Variants in OR51B5 observed in about 807,000 individuals in gnomAD.
The protein encoded by OR51B5 is olfactory receptor 51B5.
For synonymous variants in OR51B5, 186 were observed against 144.8 expected, an observed-to-expected ratio of 1.28 and a Z score of -2.04; for missense variants, 456 against 374.6, an observed-to-expected ratio of 1.22 and a Z score of -1.79.
intron 1 of OR51B5, among the ~76,000 whole-genome samples, chr11:5,474,009 C>T (rs1851268347): frequency 6.6e-6 from 1 of 151,924 alleles, no homozygotes; most frequent in Non-Finnish European, 1.5e-5. Context: ...AGAAGAGGGA[C>T]ATAAAAAGAC....
At chr11:5,440,692 G>A in intron 1 of OR51B5, 2 of 1,613,930 alleles carry the variant, frequency 1.2e-6, no homozygotes, top group Non-Finnish European at 1.7e-6. Context: ...ATCATGACAT[G>A]AACAACAGGT....
intron 1 of OR51B5, among the ~76,000 whole-genome samples, chr11:5,349,981 C>T (rs1849052010): frequency 6.6e-6 from 1 of 151,998 alleles, no homozygotes; most frequent in Non-Finnish European, 1.5e-5. Flanking sequence ...CCTAAAAACC[C>T]CATCATCATC....
At chr11:5,371,159 C>A (rs763000324) in intron 1 of OR51B5, among the ~76,000 whole-genome samples, 1 of 152,208 alleles carries the variant, frequency 6.6e-6, no homozygotes, top group African/African-American at 2.4e-5. Context: ...ACTCTCCACA[C>A]ATTCTGAGGA....
At chr11:5,443,282 G>A (rs1850717533) in intron 1 of OR51B5, among the ~76,000 whole-genome samples, 2 of 152,088 alleles carry the variant, frequency 1.3e-5, no homozygotes, top group Admixed American at 1.3e-4. Flanking sequence ...ACAAGGTGCT[G>A]GATCATATCG....
intron 1 of OR51B5, chr11:5,431,330 G>T (rs1315963722): frequency 1.3e-5 from 4 of 298,936 alleles, no homozygotes; most frequent in Non-Finnish European, 2.0e-5. Context: ...TCAACTCTGT[G>T]GGCATCAAAC....
intron 1 of OR51B5, among the ~76,000 whole-genome samples, chr11:5,381,126 CCCA>C (rs1849603026): frequency 1.4e-5 from 2 of 144,600 alleles, no homozygotes; most frequent in South Asian, 2.3e-4. Context: ...ATACCCCCAC[CCCA>C]CCTCTCTCTC....
At chr11:5,374,131 A>G (rs1435298691) in intron 1 of OR51B5, among the ~76,000 whole-genome samples, 1 of 152,164 alleles carries the variant, frequency 6.6e-6, no homozygotes, top group African/African-American at 2.4e-5. Context: ...CTCTGAGACA[A>G]AACTTCCAGA....
rs369060556 is a variant in OR51B5, at chr11:5,422,338, C to T, written n.85-75428G>A. ...CCATCTCCATCATGGGCAATACCACCATCCTCACTGTCATTCGCACAGAGC... is the reference window on the plus strand; with the variant it reads ...CCATCTCCATCATGGGCAATACCACTATCCTCACTGTCATTCGCACAGAGC... On this transcript the variant is annotated intron_variant and non_coding_transcript_variant, in intron 1 of 4. Transcript: ENST00000415970. 22 of 1,614,042 alleles carry T rather than the reference C, an allele frequency of 1.4e-5. No individual in the cohort carries two copies. In the African/African-American group the frequency reaches 1.9e-4, roughly 14 times the overall value.
intron 1 of OR51B5, among the ~76,000 whole-genome samples, chr11:5,415,715 G>C (rs1207270989): frequency 6.6e-6 from 1 of 151,982 alleles, no homozygotes; most frequent in African/African-American, 2.4e-5. Flanking sequence ...ACTCTGCCAA[G>C]ACTAAACCAG....
At position 5,377,540 on chromosome 11, in the gene OR51B5, A is replaced by T. The variant is rs559559558; in HGVS notation, n.85-30630T>A. Among the ~76,000 whole-genome samples the T allele has an allele frequency of 7.2e-5, 11 of 152,248 alleles. No homozygotes were observed. The South Asian group carries it at 2.1e-3, about 29-fold the overall frequency. ...CAAATTGTCCCTGTTTGCAGACGAC[A>T]TGATTGTATATCTAGAAAACCCCCT... On this transcript the variant is annotated intron_variant and non_coding_transcript_variant, in intron 1 of 4. Coordinates refer to the OR51B5 transcript ENST00000415970.
chr11:5,384,467 T>C (rs1380986863), intron 1 of OR51B5, among the ~76,000 whole-genome samples: 1 of 152,186 alleles, frequency 6.6e-6, no homozygotes, highest in African/African-American at 2.4e-5. Context: ...CAGGACCTTC[T>C]CTTGCTGGAA....
intron 1 of OR51B5, among the ~76,000 whole-genome samples, chr11:5,479,394 C>A (rs1246649914): frequency 6.6e-6 from 1 of 151,110 alleles, no homozygotes; most frequent in East Asian, 1.9e-4. Flanking sequence ...CCGGTACCAG[C>A]TGCTGCAAAA....
At chr11:5,445,546 T>A (rs2133235) in intron 1 of OR51B5, among the ~76,000 whole-genome samples, 55 of 151,840 alleles carry the variant, frequency 3.6e-4, no homozygotes, top group African/African-American at 1.3e-3. Context: ...TATCAGCACT[T>A]ATAGTATACA....
chr11:5,357,262 A>T (rs934989739), intron 1 of OR51B5, among the ~76,000 whole-genome samples: 1 of 152,144 alleles, frequency 6.6e-6, no homozygotes, highest in Admixed American at 6.5e-5. Context: ...ATAGGCTCAA[A>T]ATAAAGGGAT....
downstream of OR51B5, chr11:5,341,505 G>A (rs142596208): frequency 4.6e-5 from 7 of 152,204 alleles, no homozygotes; most frequent in African/African-American, 1.7e-4. Flanking sequence ...TATTATTTTT[G>A]CTCTGATTAA....
chr11:5,357,752 C>T (rs1849217667), intron 1 of OR51B5, among the ~76,000 whole-genome samples: 1 of 150,240 alleles, frequency 6.7e-6, no homozygotes, highest in African/African-American at 2.5e-5. Flanking sequence ...TAAAGCACTC[C>T]TCAGCAAATG....
intron 1 of OR51B5, chr11:5,454,297 G>T (rs1349448114): frequency 6.2e-7 from 1 of 1,614,040 alleles, no homozygotes; most frequent in Non-Finnish European, 8.5e-7. Flanking sequence ...CATGTCCCAT[G>T]CTACATACAT....
At chr11:5,415,073 A>G (rs375697342) in intron 1 of OR51B5, among the ~76,000 whole-genome samples, 53 of 152,094 alleles carry the variant, frequency 3.5e-4, no homozygotes, top group Middle Eastern at 3.4e-3. Context: ...ATAACAAACT[A>G]TCTCTCAGAC....
chr11:5,399,636 T>A (rs1313969940), intron 1 of OR51B5, among the ~76,000 whole-genome samples: 3 of 152,146 alleles, frequency 2.0e-5, no homozygotes, highest in Non-Finnish European at 4.4e-5. Flanking sequence ...TTTGTAACCT[T>A]TCAAGCTAAA....
Sources: gnomAD v4.1 joint callset for allele counts (sites outside exome capture counted in the v4.1 genomes callset) on GRCh38, gnomAD v4.1.1 for gene constraint, MANE v1.5 for transcripts, NCBI Gene and HGNC (gene_info 2026-07-23, HGNC 2026-07-21) for gene names.